The following CNTLN variants were observed in gnomAD, a reference collection of about 807,000 sequenced individuals.
CNTLN encodes centlein.
CNTLN carries 212 observed loss-of-function variants against 180.0 expected under a neutral mutation model. That is an observed-to-expected ratio of 1.18 (90% CI 1.05 to 1.32). The LOEUF is 1.32. Among genes scored for constraint, CNTLN ranks in the 40% most tolerant of loss-of-function variants. The probability of loss-of-function intolerance (pLI) is 0.00; values close to 1 mark genes in which losing one functional copy is unlikely to be tolerated. For synonymous variants in CNTLN, 722 were observed against 563.1 expected (o/e 1.28, Z -3.99); for missense variants, 2,095 against 1,610.9 (o/e 1.30, Z -5.14).
intron 25 of CNTLN, among the ~76,000 whole-genome samples, chr9:17,492,259 A>G: frequency 6.6e-6 from 1 of 150,702 alleles, no homozygotes; most frequent in Admixed American, 6.6e-5. Flanking sequence ...TTTTCTTGTA[A>G]TTCCTTTTTC....
chr9:17,418,363 C>T (rs1315085419), intron 18 of CNTLN, among the ~76,000 whole-genome samples: 2 of 151,902 alleles, frequency 1.3e-5, no homozygotes, highest in Admixed American at 6.6e-5. Context: ...AAGTAACTCC[C>T]CAAATATTAC....
intron 2 of CNTLN, among the ~76,000 whole-genome samples, chr9:17,194,866 G>A (rs1395958397): frequency 6.6e-6 from 1 of 152,158 alleles, no homozygotes; most frequent in African/African-American, 2.4e-5. Context: ...CCTCAGAATC[G>A]TGACAGGAGG....
chr9:17,154,867 G>A (rs1198891334), intron 2 of CNTLN, among the ~76,000 whole-genome samples: 3 of 152,190 alleles, frequency 2.0e-5, no homozygotes, highest in Admixed American at 2.0e-4. Context: ...ACCTGCTCAG[G>A]TCCCTTTCCA....
intron 25 of CNTLN, 44 bp downstream of exon 25, chr9:17,487,110 A>G (rs754557173): frequency 1.5e-6 from 2 of 1,299,670 alleles, no homozygotes; most frequent in African/African-American, 1.5e-5. Context: ...CCAAATAAGA[A>G]TTCCAAGCCT....
intron 5 of CNTLN, among the ~76,000 whole-genome samples, chr9:17,271,101 C>T (rs1481440939): frequency 6.6e-6 from 1 of 151,998 alleles, no homozygotes; most frequent in African/African-American, 2.4e-5. Context: ...CAGGCACCCG[C>T]CACCACGCCC....
intron 23 of CNTLN, among the ~76,000 whole-genome samples, chr9:17,468,466 A>G (rs1040593900): frequency 3.3e-5 from 5 of 151,594 alleles, no homozygotes; most frequent in African/African-American, 1.2e-4. Flanking sequence ...TTACCTTCAT[A>G]AATCTTGGTT....
chr9:17,511,619 G>A, the CNTLN span, among the ~76,000 whole-genome samples: 271 of 149,446 alleles, frequency 1.8e-3, no homozygotes, highest in Non-Finnish European at 2.7e-3. Context: ...CTTCAATATG[G>A]CAACTTGCTT....
At chr9:17,474,954 C>T (rs536817586) in intron 23 of CNTLN, among the ~76,000 whole-genome samples, 29 of 152,076 alleles carry the variant, frequency 1.9e-4, no homozygotes, top group African/African-American at 6.5e-4. Context: ...AATGGAAAAC[C>T]TTGACTGCCC....
At chr9:17,315,744 T>G (rs1481865464) in intron 8 of CNTLN, among the ~76,000 whole-genome samples, 1 of 152,054 alleles carries the variant, frequency 6.6e-6, no homozygotes, top group Non-Finnish European at 1.5e-5. Flanking sequence ...GTGGTTACTC[T>G]GATGTTTTAC....
chr9:17,466,923 CT>C, intron 23 of CNTLN, 32 bp downstream of exon 23: 1 of 1,558,410 alleles, frequency 6.4e-7, no homozygotes, highest in Non-Finnish European at 8.8e-7. Context: ...CTAACTTGTA[CT>C]TTACTTTAGG....
Position 17,502,761 on chromosome 9 carries a change from G to A in CNTLN, c.*109G>A. ...TATCTGCTCCAACTATCAATAGTCA[G>A]GTTCAATACCAAAATAAGAAGTCTC... On this transcript the variant is annotated 3_prime_UTR_variant, in exon 26 of 26. Transcript: ENST00000380647. 2.3e-6 allele frequency: 1 copy of A among 437,082 alleles called. No homozygotes were observed. Among genetic ancestry groups the A allele is most frequent in the Non-Finnish European group, 4.2e-6 (1 of 240,308 alleles). The allele number at this position is 437,082 out of a possible 1,614,324, so 27.1% of individuals were successfully genotyped here.
chr9:17,423,848 T>C (rs887817209), intron 18 of CNTLN, among the ~76,000 whole-genome samples: 1 of 152,094 alleles, frequency 6.6e-6, no homozygotes, highest in African/African-American at 2.4e-5. Flanking sequence ...GCACACAGAT[T>C]CTCTCTCGGC....
At chr9:17,468,231 G>A (rs1380032432) in intron 23 of CNTLN, among the ~76,000 whole-genome samples, 2 of 151,600 alleles carry the variant, frequency 1.3e-5, no homozygotes, top group African/African-American at 4.8e-5. Context: ...AGACATCGGG[G>A]CCTACTTGAG....
intron 6 of CNTLN, among the ~76,000 whole-genome samples, chr9:17,275,668 C>G (rs1828263246): frequency 6.6e-6 from 1 of 152,054 alleles, no homozygotes; most frequent in African/African-American, 2.4e-5. Flanking sequence ...GATATAACAA[C>G]TATGTTTTCT....
chr9:17,151,691 G>A (rs1052438541), intron 2 of CNTLN, among the ~76,000 whole-genome samples: 4 of 152,184 alleles, frequency 2.6e-5, no homozygotes, highest in Admixed American at 2.0e-4. Context: ...AGTTAGGGAG[G>A]AGTCCCTCTT....
chr9:17,402,112 T>G (rs575156915), intron 15 of CNTLN, among the ~76,000 whole-genome samples: 1 of 151,854 alleles, frequency 6.6e-6, no homozygotes, highest in African/African-American at 2.4e-5. Context: ...GAACCACATA[T>G]AGACACCTAA....
intron 12 of CNTLN, among the ~76,000 whole-genome samples, chr9:17,348,664 G>A (rs1822118025): frequency 6.6e-6 from 1 of 151,870 alleles, no homozygotes; most frequent in African/African-American, 2.4e-5. Context: ...CCTAGTAGCT[G>A]GGATTATAGG....
At chr9:17,520,533 A>G in the CNTLN span, among the ~76,000 whole-genome samples, 1 of 152,334 alleles carries the variant, frequency 6.6e-6, no homozygotes, top group East Asian at 1.9e-4. Context: ...ATTGTATGGG[A>G]AGGGCATTCT....
chr9:17,425,517 T>C (rs1310971488), intron 18 of CNTLN, among the ~76,000 whole-genome samples: 2 of 152,146 alleles, frequency 1.3e-5, no homozygotes, highest in African/African-American at 4.8e-5. Flanking sequence ...GGTGGTTTGT[T>C]TTGACAGCCC....
Sources: allele counts gnomAD v4.1 joint callset (sites outside exome capture counted in the v4.1 genomes callset), GRCh38; gene constraint gnomAD v4.1.1; transcripts MANE v1.5; gene names NCBI Gene and HGNC (gene_info 2026-07-23, HGNC 2026-07-21).